SUN3: variants seen among roughly 807,000 people sequenced by gnomAD.
The protein encoded by SUN3 is Sad1 and UNC84 domain containing 3, also known as SUN domain-containing protein 3.
A neutral mutation model predicts 48.2 loss-of-function variants in SUN3; 36 were observed. The observed-to-expected ratio is 0.75, with a 90% CI of 0.57 to 0.99. The LOEUF is 0.99. Ranked by LOEUF, SUN3 falls within the 50% of genes least tolerant of loss-of-function variation. SUN3 has a pLI of 0.00. For synonymous variants in SUN3, 148 were observed against 147.9 expected, an observed-to-expected ratio of 1.00 and a Z score of 0.00; for missense variants, 419 against 433.1, an observed-to-expected ratio of 0.97 and a Z score of 0.29.
At chr7:47,994,542 C>T in intron 7 of SUN3, 60 bp from the exon 8 acceptor site, 1 of 1,500,002 alleles carries the variant, frequency 6.7e-7, no homozygotes. Context: ...TCCCACAATA[C>T]TGGTCAGCTA....
intron 2 of SUN3, among the ~76,000 whole-genome samples, chr7:48,024,232 A>G (rs549023408): frequency 6.6e-6 from 1 of 152,298 alleles, no homozygotes; most frequent in Admixed American, 6.5e-5. Flanking sequence ...ATGAAAGACA[A>G]CCTAGAATGA....
At position 47,994,294 on chromosome 7, in the gene SUN3, CA is replaced by C. The variant is rs779240969; in HGVS notation, c.861+20del. On this transcript the variant is annotated intron_variant, in intron 8 of 9. Transcript: ENST00000297325. ...CCTTCTATCAGGCCAATCTGAATGACAAATTTAGATAGCTTCTTACATAGAC... is the reference window on the plus strand; with the variant it reads ...CCTTCTATCAGGCCAATCTGAATGACAATTTAGATAGCTTCTTACATAGAC... 10 of 1,611,946 alleles carry C rather than the reference CA, an allele frequency of 6.2e-6. No homozygotes were observed. The Admixed American group carries it at 1.7e-4, about 27-fold the overall frequency.
In SUN3 at chr7:47,994,343, G is replaced by A. The variant is rs1789144061; in HGVS notation, c.833C>T (p.Ser278Phe). ...GACAGAAAATTCCTTGGGTGCACTG[G>A]AGATGTTTCCTGACGGAGACACCTT... The part of the protein sequence containing the change: ...SEKVSPSGNI[S>F]SAPKEFSVYG... The change falls in exon 8 of 10, where the codon TCC becomes TTC. Residue 278 changes from serine (S) to phenylalanine (F), a missense_variant. Coordinates refer to ENST00000297325, the MANE Select transcript of SUN3 (RefSeq NM_001030019.2). 1 of 1,613,582 alleles carries A rather than the reference G, an allele frequency of 6.2e-7. No individual in the cohort carries two copies.
At chr7:48,001,787 C>T (rs746552209) in intron 6 of SUN3, among the ~76,000 whole-genome samples, 52 of 152,236 alleles carry the variant, frequency 3.4e-4, no homozygotes, top group Non-Finnish European at 4.7e-4. Context: ...CTGCCCGCCT[C>T]GGCCTCCCAA....
intron 2 of SUN3, among the ~76,000 whole-genome samples, chr7:48,025,570 G>A (rs756436311): frequency 2.3e-4 from 35 of 152,154 alleles, no homozygotes; most frequent in Non-Finnish European, 3.8e-4. Flanking sequence ...AAGGTAAAAT[G>A]TATGTTTGCA....
intron 8 of SUN3, among the ~76,000 whole-genome samples, chr7:47,991,292 A>G (rs1789052093): frequency 6.7e-6 from 1 of 149,512 alleles, no homozygotes; most frequent in Non-Finnish European, 1.5e-5. Context: ...AGCAGTTTTT[A>G]TTACTAAAGG....
At chr7:48,006,965 A>G (rs138949278) in intron 5 of SUN3, among the ~76,000 whole-genome samples, 200 bp downstream of exon 5, 67 of 152,356 alleles carry the variant, frequency 4.4e-4, no homozygotes, top group African/African-American at 1.3e-3. Context: ...AGTCATATGC[A>G]ATAGAATGTC....
At chr7:48,011,412 A>G (rs531388866) in intron 3 of SUN3, among the ~76,000 whole-genome samples, 32 of 152,340 alleles carry the variant, frequency 2.1e-4, no homozygotes, top group African/African-American at 7.0e-4. Flanking sequence ...GCACATAGAA[A>G]AATATTGCCT....
intron 6 of SUN3, among the ~76,000 whole-genome samples, chr7:48,003,107 A>C (rs578111530): frequency 1.3e-5 from 2 of 152,048 alleles, no homozygotes; most frequent in Admixed American, 1.3e-4. Context: ...TGGTATATGG[A>C]AGGGGTCCAA....
chr7:48,023,447 T>A (rs11974697), intron 2 of SUN3, among the ~76,000 whole-genome samples: 18,054 of 151,360 alleles, frequency 0.12, 3,552 homozygotes, highest in African/African-American at 0.41. Flanking sequence ...ATGAAACAGA[T>A]CAGAATCAAA....
intron 1 of SUN3, among the ~76,000 whole-genome samples, chr7:48,026,483 C>A (rs1315601959): frequency 6.6e-6 from 1 of 151,788 alleles, no homozygotes. Context: ...TTGTACAGAC[C>A]AGTGATGCCT....
chr7:47,987,387 C>A lies in SUN3; in HGVS notation c.1017G>T (p.Pro339=). ...KLNIFSNWGH[P]KYTCLYRFRV... ...TGAATCGATATAAACAAGTATACTT[C>A]GGGTGTCCCCAGTTGCTAAAGATAT... The change falls in exon 10 of 10, where the codon CCG becomes CCT. Residue 339 remains proline, a synonymous_variant. Transcript: ENST00000297325. 3 of 1,610,232 alleles carry A rather than the reference C, an allele frequency of 1.9e-6. 1 individual carries two copies. Among genetic ancestry groups the A allele is most frequent in the South Asian group, 2.2e-5 (2 of 90,384 alleles).
chr7:48,029,003 T>C lies in SUN3; in HGVS notation c.-65A>G. 1.2e-6 allele frequency: 2 copies of C among 1,603,804 alleles called. No individual in the cohort carries two copies. The highest frequency in any genetic ancestry group is 1.7e-6 in the Non-Finnish European group (2 of 1,176,632). On this transcript the variant is annotated 5_prime_UTR_variant, in exon 1 of 10. In the 5' UTR this introduces an upstream ATG that the reference lacks. Transcript: ENST00000297325. ...GCAACATTTGTCCTCATTCCTATTT[T>C]ATGAAAAACATGAAGCTATACATAC...
At chr7:47,993,124 A>T (rs1334784318) in intron 8 of SUN3, among the ~76,000 whole-genome samples, 1 of 152,224 alleles carries the variant, frequency 6.6e-6, no homozygotes, top group Non-Finnish European at 1.5e-5. Context: ...AGAAACATTT[A>T]AAAAAATGGA....
intron 4 of SUN3, among the ~76,000 whole-genome samples, chr7:48,007,760 C>T (rs1480036148): frequency 6.6e-6 from 1 of 151,734 alleles, no homozygotes; most frequent in East Asian, 1.9e-4. Context: ...GTGGATCCAG[C>T]CAGTGGGCAG....
intron 8 of SUN3, 82 bp from the exon 9 acceptor site, chr7:47,988,962 ATC>A (rs1439926902): frequency 1.5e-5 from 12 of 790,574 alleles, no homozygotes; most frequent in South Asian, 1.5e-4. Context: ...TTCACCAAAT[ATC>A]TCTGTGTGTC....
chr7:48,012,403 T>A (rs78866440), intron 3 of SUN3, among the ~76,000 whole-genome samples: 1 of 151,586 alleles, frequency 6.6e-6, no homozygotes, highest in Non-Finnish European at 1.5e-5. Context: ...TTTTTTTTTT[T>A]CTTCAGATAA....
chr7:47,987,709 T>A (rs751806156), intron 9 of SUN3, among the ~76,000 whole-genome samples: 4 of 152,114 alleles, frequency 2.6e-5, no homozygotes, highest in Non-Finnish European at 4.4e-5. Context: ...AATTTATTAA[T>A]TTTTTGTAGA....
intron 4 of SUN3, among the ~76,000 whole-genome samples, chr7:48,007,974 C>T (rs1362955749): frequency 6.6e-6 from 1 of 152,078 alleles, no homozygotes; most frequent in Admixed American, 6.5e-5. Context: ...CAGGCACATG[C>T]CACCGCGCTC....
Sources: gnomAD v4.1 joint callset for allele counts (sites outside exome capture counted in the v4.1 genomes callset) on GRCh38, gnomAD v4.1.1 for gene constraint, MANE v1.5 for transcripts, NCBI Gene and HGNC (gene_info 2026-07-23, HGNC 2026-07-21) for gene names.